The following FMN1 variants were observed in gnomAD, a reference collection of about 807,000 sequenced individuals.
The protein encoded by FMN1 is formin-1.
FMN1 carries 110 observed loss-of-function variants against 132.4 expected under a neutral mutation model. The observed-to-expected ratio is 0.83, with a 90% confidence interval of 0.71 to 0.97. FMN1 has a LOEUF of 0.97. Ranked by LOEUF, FMN1 falls within the 50% of genes least tolerant of loss-of-function variation. The probability of loss-of-function intolerance (pLI) is 0.00; values close to 1 mark genes in which losing one functional copy is unlikely to be tolerated. For synonymous variants in FMN1, 722 were observed against 651.7 expected (o/e 1.11, Z -1.64); for missense variants, 1,792 against 1,705.3 (o/e 1.05, Z -0.90).
intron 17 of FMN1, among the ~76,000 whole-genome samples, chr15:32,845,012 T>A (rs531856985): frequency 6.6e-6 from 1 of 152,246 alleles, no homozygotes; most frequent in African/African-American, 2.4e-5. Flanking sequence ...CTTTCCAGAA[T>A]TGGACATTGT....
At chr15:33,053,390 C>T (rs1362752646) in intron 6 of FMN1, among the ~76,000 whole-genome samples, 1 of 152,234 alleles carries the variant, frequency 6.6e-6, no homozygotes, top group Non-Finnish European at 1.5e-5. Context: ...CCTATGTTGG[C>T]ACTTGGAGCT....
At chr15:33,091,862 G>A (rs557245192) in intron 4 of FMN1, among the ~76,000 whole-genome samples, 33 of 152,296 alleles carry the variant, frequency 2.2e-4, no homozygotes, top group African/African-American at 7.7e-4. Flanking sequence ...ACAGTCAACT[G>A]TCATTTAATT....
At chr15:33,175,744 C>A (rs183437667) in intron 3 of FMN1, among the ~76,000 whole-genome samples, 63 of 152,308 alleles carry the variant, frequency 4.1e-4, no homozygotes, top group African/African-American at 1.5e-3. Context: ...ATCCCACACA[C>A]ACACTTAGAA....
In FMN1 at chr15:33,178,368, A is replaced by C. The variant is rs181240250; in HGVS notation, c.-132+1830T>G. ...CCTCCTGGCCTGTGTATAAAGGCAAAAATTTTCAACTTGAGACTGTCTTGG... is the reference window on the plus strand; with the variant it reads ...CCTCCTGGCCTGTGTATAAAGGCAACAATTTTCAACTTGAGACTGTCTTGG... On this transcript the variant is annotated intron_variant, in intron 3 of 20. Coordinates refer to ENST00000616417, the MANE Select transcript of FMN1 (RefSeq NM_001277313.2). Among the ~76,000 whole-genome samples the C allele has an allele frequency of 4.6e-5, 7 of 152,240 alleles. No homozygotes were observed. The East Asian group carries it at 1.4e-3, about 29-fold the overall frequency.
At chr15:32,950,407 T>C (rs549554925) in intron 9 of FMN1, among the ~76,000 whole-genome samples, 4 of 152,076 alleles carry the variant, frequency 2.6e-5, no homozygotes, top group Admixed American at 1.3e-4. Flanking sequence ...TAAAACACCA[T>C]TCACAATAGC....
chr15:32,856,264 AG>A (rs1422841886), intron 17 of FMN1, among the ~76,000 whole-genome samples: 1 of 152,210 alleles, frequency 6.6e-6, no homozygotes, highest in Admixed American at 6.5e-5. Context: ...GCTTTCCAGC[AG>A]GGAAAAAAGC....
At chr15:33,139,393 C>G (rs1459936854) in intron 4 of FMN1, among the ~76,000 whole-genome samples, 1 of 152,094 alleles carries the variant, frequency 6.6e-6, no homozygotes, top group East Asian at 1.9e-4. Flanking sequence ...TCAGGAGATC[C>G]AGACTATCCA....
chr15:32,785,033 C>T lies in FMN1; in HGVS notation c.4131-8114G>A, dbSNP rs114683634. Among the ~76,000 whole-genome samples, 1,299 of 151,462 alleles carry T rather than the reference C, an allele frequency of 8.6e-3. 22 individuals carry two copies. Among genetic ancestry groups the T allele is most frequent in the African/African-American group, 0.03 (1,231 of 41,280 alleles). On this transcript the variant is annotated intron_variant, in intron 19 of 20. Transcript: ENST00000616417. ...CTTTTTTTGGAGGGGGGTTCATCTG[C>T]TCATCCTCGTTTCCTTTCTTTCCCA... is the stretch of plus-strand genomic sequence containing the variant.
At chr15:32,870,601 G>A (rs76047735) in intron 16 of FMN1, among the ~76,000 whole-genome samples, 8 of 152,158 alleles carry the variant, frequency 5.3e-5, no homozygotes, top group Non-Finnish European at 7.3e-5. Context: ...CAAAGGTCCC[G>A]CCTACCAAAC....
At chr15:32,889,539 C>G (rs1483916587) in intron 15 of FMN1, among the ~76,000 whole-genome samples, 2 of 152,192 alleles carry the variant, frequency 1.3e-5, no homozygotes, top group Non-Finnish European at 2.9e-5. Context: ...CCAACTCCCT[C>G]TAGACCTTCA....
At chr15:32,929,935 T>C (rs964594018) in intron 9 of FMN1, among the ~76,000 whole-genome samples, 15 of 151,596 alleles carry the variant, frequency 9.9e-5, no homozygotes, top group Non-Finnish European at 2.2e-4. Context: ...TTTGGATAAA[T>C]ATCCAGAAGA....
intron 19 of FMN1, among the ~76,000 whole-genome samples, chr15:32,779,525 T>G (rs192977388): frequency 3.3e-5 from 5 of 152,114 alleles, no homozygotes; most frequent in Admixed American, 3.3e-4. Context: ...GCATGTACAC[T>G]CTACGAGCCA....
chr15:32,812,110 A>G (rs894983731), intron 17 of FMN1, among the ~76,000 whole-genome samples: 47 of 152,196 alleles, frequency 3.1e-4, no homozygotes, highest in Non-Finnish European at 8.8e-5. Context: ...AGGGTCCTTC[A>G]TCTGAACTGC....
At chr15:33,127,119 A>C (rs1290964794) in intron 4 of FMN1, among the ~76,000 whole-genome samples, 1 of 152,182 alleles carries the variant, frequency 6.6e-6, no homozygotes, top group East Asian at 1.9e-4. Flanking sequence ...ACGAGATAGC[A>C]TCCTGTTAAC....
chr15:33,063,908 T>C (rs879861173), intron 6 of FMN1: 2 of 152,204 alleles, frequency 1.3e-5, no homozygotes, highest in Non-Finnish European at 2.9e-5. Flanking sequence ...AAGACTTAAA[T>C]TGCTATACAT....
Position 32,951,381 on chromosome 15 carries a change from G to A in FMN1, c.3138+12726C>T, listed in dbSNP as rs556160233. 4.2e-4 allele frequency among the ~76,000 whole-genome samples: 63 copies of A among 151,794 alleles called. No homozygotes were observed. The South Asian group carries it at 7.7e-3, about 19-fold the overall frequency. On this transcript the variant is annotated intron_variant, in intron 9 of 20. Transcript: ENST00000616417. The stretch of plus-strand genomic sequence containing the variant: ...GAAGGAATTCATCTCTGAGAATCTG[G>A]CTAAAATTCATTTGCTTTAACTGCA...
At chr15:33,107,441 C>T (rs1277228208) in intron 4 of FMN1, among the ~76,000 whole-genome samples, 1 of 152,056 alleles carries the variant, frequency 6.6e-6, no homozygotes, top group African/African-American at 2.4e-5. Context: ...AATCCCTGGC[C>T]TTAAAGAACA....
intron 10 of FMN1, among the ~76,000 whole-genome samples, chr15:32,916,817 T>C (rs544582806): frequency 6.0e-4 from 92 of 152,264 alleles, no homozygotes; most frequent in South Asian, 3.1e-3. Flanking sequence ...AAATAAAACT[T>C]AGCTGCTTTG....
In FMN1 at chr15:32,926,221, C is replaced by T; in HGVS notation, c.3179G>A (p.Gly1060Glu). 1.3e-6 allele frequency: 2 copies of T among 1,562,536 alleles called. No individual in the cohort carries two copies. Among genetic ancestry groups the T allele is most frequent in the Middle Eastern group, 1.7e-4 (1 of 5,930 alleles). Residue 1060 changes from glycine to glutamate, a missense_variant, in exon 10 of 21, where the codon GGA becomes GAA. By Grantham distance (98) the Gly-to-Glu change is moderately conservative (BLOSUM62 -2). Transcript: ENST00000616417. ...LLDGKRSQTV[G>E]ILISSLHLEM... Reference sequence around the variant, plus strand: ...TAAATGTAAACTAGATATCAAGATTCCCACAGTTTGAGATCGTTTTCCATC... The same window carrying T: ...TAAATGTAAACTAGATATCAAGATTTCCACAGTTTGAGATCGTTTTCCATC...
Sources: gnomAD v4.1 joint callset for allele counts (sites outside exome capture counted in the v4.1 genomes callset) on GRCh38, gnomAD v4.1.1 for gene constraint, MANE v1.5 for transcripts, NCBI Gene and HGNC (gene_info 2026-07-23, HGNC 2026-07-21) for gene names.